CDKAL1: variants seen among roughly 807,000 people sequenced by gnomAD.
CDKAL1 encodes threonylcarbamoyladenosine tRNA methylthiotransferase.
CDKAL1 carries 32 observed loss-of-function variants against 68.2 expected under a neutral mutation model. The ratio of observed to expected loss-of-function variants is 0.47; its 90% CI spans 0.35 to 0.63. The LOEUF (loss-of-function observed/expected upper bound fraction) is 0.63, where lower values mean the gene tolerates loss of function less well. Among genes scored for constraint, CDKAL1 ranks in the 30% least tolerant of loss-of-function variants. CDKAL1 has a pLI of 0.00. For missense variants in CDKAL1, 606 were observed against 696.7 expected, an observed-to-expected ratio of 0.87 and a Z score of 1.47; for synonymous variants, 234 against 244.3, an observed-to-expected ratio of 0.96 and a Z score of 0.39.
chr6:21,101,267 A>G (rs892571543), intron 12 of CDKAL1, among the ~76,000 whole-genome samples: 1 of 152,228 alleles, frequency 6.6e-6, no homozygotes, highest in African/African-American at 2.4e-5. Flanking sequence ...AGTGTTTCTC[A>G]TCTTTGGCCA....
intron 5 of CDKAL1, among the ~76,000 whole-genome samples, chr6:20,706,323 G>C (rs1771592894): frequency 1.3e-5 from 2 of 152,004 alleles, no homozygotes; most frequent in African/African-American, 4.8e-5. Context: ...TAGAAGAAGG[G>C]GAAGAAAAAA....
At chr6:20,649,756 C>T (rs1054517181) in intron 5 of CDKAL1, among the ~76,000 whole-genome samples, 3 of 152,078 alleles carry the variant, frequency 2.0e-5, no homozygotes, top group African/African-American at 7.2e-5. Context: ...GTATGTTGTT[C>T]CCCTCCCTGT....
At chr6:20,948,055 TTGC>T (rs1331091688) in intron 9 of CDKAL1, among the ~76,000 whole-genome samples, 1 of 151,098 alleles carries the variant, frequency 6.6e-6, no homozygotes, top group Non-Finnish European at 1.5e-5. Context: ...TCTTACTCTG[TTGC>T]CCTGGCTCTA....
chr6:20,587,043 A>G (rs1391825434), intron 4 of CDKAL1, among the ~76,000 whole-genome samples: 1 of 136,152 alleles, frequency 7.3e-6, no homozygotes, highest in Non-Finnish European at 1.5e-5. Context: ...CTGGAGGGCA[A>G]TGGCAAGATC....
rs1418746254 is a variant in CDKAL1 at position 20,770,256 on chromosome 6, C to T, written c.518-10889C>T. Among the ~76,000 whole-genome samples, 8 of 151,930 alleles carry T rather than the reference C, an allele frequency of 5.3e-5. No homozygotes were observed. In the South Asian group the frequency reaches 1.7e-3, roughly 32 times the overall value. On this transcript the variant is annotated intron_variant, in intron 7 of 15. Coordinates refer to ENST00000274695, the MANE Select transcript of CDKAL1 (RefSeq NM_017774.3). ...TGGGAAATGAGTGAGTGAACGTATT[C>T]CCTAACTATAAGCAACTGTTAAAAA...
At chr6:20,843,728 A>G (rs1000055776) in intron 8 of CDKAL1, among the ~76,000 whole-genome samples, 4 of 152,056 alleles carry the variant, frequency 2.6e-5, no homozygotes, top group African/African-American at 9.7e-5. Flanking sequence ...ATTTGGGAGG[A>G]TTTCAGATTT....
intron 10 of CDKAL1, among the ~76,000 whole-genome samples, chr6:20,985,205 T>C (rs1766388350): frequency 6.6e-6 from 1 of 152,226 alleles, no homozygotes; most frequent in Non-Finnish European, 1.5e-5. Context: ...GAACATCACT[T>C]TACGTGTTCA....
intron 4 of CDKAL1, among the ~76,000 whole-genome samples, chr6:20,606,708 C>G (rs2127717928): frequency 6.6e-6 from 1 of 152,224 alleles, no homozygotes. Flanking sequence ...TCCTAAAATG[C>G]TGCAGAAAAG....
At chr6:21,160,665 G>GTA (rs1270468243) in intron 13 of CDKAL1, among the ~76,000 whole-genome samples, 2 of 127,198 alleles carry the variant, frequency 1.6e-5, no homozygotes, top group Non-Finnish European at 3.4e-5. Flanking sequence ...ACGTGTGTGT[G>GTA]TGTGTGTGTG....
chr6:20,901,001 A>T (rs6456381), intron 9 of CDKAL1, among the ~76,000 whole-genome samples: 53,520 of 151,972 alleles, frequency 0.35, 9,838 homozygotes, highest in African/African-American at 0.47. Context: ...CATATTCATG[A>T]CAAGGTAATG....
At chr6:20,907,021 A>G (rs537518747) in intron 9 of CDKAL1, among the ~76,000 whole-genome samples, 3 of 152,356 alleles carry the variant, frequency 2.0e-5, no homozygotes, top group African/African-American at 7.2e-5. Context: ...TACTTAAAGT[A>G]GTCAAAATCA....
intron 5 of CDKAL1, among the ~76,000 whole-genome samples, chr6:20,718,696 GTTC>G (rs777913209): frequency 1.3e-5 from 2 of 152,094 alleles, no homozygotes; most frequent in Non-Finnish European, 2.9e-5. Context: ...AATGAACCTT[GTTC>G]TTATGTTTTT....
chr6:21,164,883 C>T (rs982867711), intron 13 of CDKAL1, among the ~76,000 whole-genome samples: 1 of 152,178 alleles, frequency 6.6e-6, no homozygotes, highest in African/African-American at 2.4e-5. Context: ...AAAAAAATGT[C>T]TTTGCCATCA....
At chr6:20,829,560 G>C (rs1777629409) in intron 8 of CDKAL1, among the ~76,000 whole-genome samples, 1 of 152,134 alleles carries the variant, frequency 6.6e-6, no homozygotes. Context: ...AGTCATATGG[G>C]TTAAACAAAA....
chr6:21,015,643 A>T (rs1377004334), intron 11 of CDKAL1, among the ~76,000 whole-genome samples: 1 of 152,028 alleles, frequency 6.6e-6, no homozygotes, highest in Non-Finnish European at 1.5e-5. Flanking sequence ...AAGAATCGTG[A>T]TAGCCGGGTG....
intron 5 of CDKAL1, among the ~76,000 whole-genome samples, chr6:20,702,570 G>A (rs889094311): frequency 4.7e-4 from 72 of 152,192 alleles, no homozygotes; most frequent in Non-Finnish European, 8.4e-4. Flanking sequence ...AAAACTTGTC[G>A]TTCCGCCAGT....
At chr6:21,055,130 G>C (rs1770757229) in intron 11 of CDKAL1, among the ~76,000 whole-genome samples, 1 of 151,942 alleles carries the variant, frequency 6.6e-6, no homozygotes, top group Non-Finnish European at 1.5e-5. Context: ...TTTTTATTTT[G>C]TCCTTTATTC....
intron 13 of CDKAL1, among the ~76,000 whole-genome samples, chr6:21,146,278 G>C (rs893574978): frequency 1.3e-5 from 2 of 152,130 alleles, no homozygotes; most frequent in Non-Finnish European, 2.9e-5. Context: ...CATTAAATTA[G>C]ATGGCTGACA....
intron 12 of CDKAL1, among the ~76,000 whole-genome samples, chr6:21,078,905 C>A (rs1052405097): frequency 2.0e-5 from 3 of 152,154 alleles, no homozygotes; most frequent in African/African-American, 7.2e-5. Flanking sequence ...AATGTGGGGG[C>A]TAATCTTTCT....
Sources: allele counts gnomAD v4.1 joint callset (sites outside exome capture counted in the v4.1 genomes callset), GRCh38; gene constraint gnomAD v4.1.1; transcripts MANE v1.5; gene names NCBI Gene and HGNC (gene_info 2026-07-23, HGNC 2026-07-21).